The following EYA1 variants were observed in gnomAD, a reference collection of about 807,000 sequenced individuals.
EYA1 encodes EYA transcriptional coactivator and phosphatase 1.
A neutral mutation model predicts 82.0 loss-of-function variants in EYA1; 16 were observed. The observed-to-expected ratio is 0.20, with a 90% confidence interval of 0.13 to 0.30. The LOEUF (loss-of-function observed/expected upper bound fraction) is 0.30. EYA1 is among the 10% of genes least tolerant of loss of function. The pLI, the probability that EYA1 is intolerant of heterozygous loss-of-function variation, is 1.00. For synonymous variants in EYA1, 261 were observed against 264.4 expected (o/e 0.99, Z 0.12); for missense variants, 633 against 730.7 (o/e 0.87, Z 1.54).
At chr8:71,426,008 A>ATT (rs1419843435) in intron 2 of EYA1, among the ~76,000 whole-genome samples, 1 of 152,080 alleles carries the variant, frequency 6.6e-6, no homozygotes, top group African/African-American at 2.4e-5. Context: ...CCTTGTATTT[A>ATT]TTTTTTCTGG....
chr8:71,468,487 G>A (rs1808936130), intron 2 of EYA1, among the ~76,000 whole-genome samples: 1 of 152,070 alleles, frequency 6.6e-6, no homozygotes, highest in African/African-American at 2.4e-5. Context: ...CAGGTAACTG[G>A]TTAGAACTTG....
At chr8:71,279,309 G>A (rs1406420498) in intron 9 of EYA1, among the ~76,000 whole-genome samples, 2 of 152,194 alleles carry the variant, frequency 1.3e-5, no homozygotes, top group Non-Finnish European at 2.9e-5. Context: ...CGAAGTAGAT[G>A]TCAGACAACA....
At chr8:71,329,262 CCTT>C (rs576812472) in intron 4 of EYA1, among the ~76,000 whole-genome samples, 2 of 152,150 alleles carry the variant, frequency 1.3e-5, no homozygotes, top group Non-Finnish European at 2.9e-5. Flanking sequence ...TTAGCCCCTA[CCTT>C]CTTCTTTCTA....
intron 2 of EYA1, among the ~76,000 whole-genome samples, chr8:71,408,017 G>A (rs1050404106): frequency 1.5e-4 from 23 of 151,716 alleles, no homozygotes; most frequent in South Asian, 2.1e-4. Context: ...GACTAACAGC[G>A]GATCTCTCGG....
At chr8:71,300,239 A>G (rs925763007) in intron 7 of EYA1, among the ~76,000 whole-genome samples, 1 of 152,186 alleles carries the variant, frequency 6.6e-6, no homozygotes, top group African/African-American at 2.4e-5. Flanking sequence ...TTGACACAAC[A>G]AAGATGAAAG....
chr8:71,443,124 C>A (rs766518588), intron 2 of EYA1, among the ~76,000 whole-genome samples: 2 of 151,982 alleles, frequency 1.3e-5, no homozygotes, highest in African/African-American at 2.4e-5. Flanking sequence ...AACACAAGTT[C>A]GAGAAAATGG....
At chr8:71,445,286 T>C (rs1388303968) in intron 2 of EYA1, among the ~76,000 whole-genome samples, 3 of 152,160 alleles carry the variant, frequency 2.0e-5, no homozygotes, top group Non-Finnish European at 4.4e-5. Flanking sequence ...AGCAAAGAGA[T>C]TGGATTTTAT....
At chr8:71,214,493 GT>G (rs1808926434) in intron 16 of EYA1, among the ~76,000 whole-genome samples, 1 of 152,100 alleles carries the variant, frequency 6.6e-6, no homozygotes. Context: ...CTCTTCCTGG[GT>G]GGCAGTAAAT....
intron 2 of EYA1, among the ~76,000 whole-genome samples, chr8:71,530,207 G>C (rs1409867363): frequency 1.3e-5 from 2 of 152,124 alleles, no homozygotes; most frequent in African/African-American, 4.8e-5. Flanking sequence ...AGGGACAAAG[G>C]CCATGTGACA....
chr8:71,537,097 T>C (rs1325232909), intron 1 of EYA1, among the ~76,000 whole-genome samples: 1 of 152,248 alleles, frequency 6.6e-6, no homozygotes, highest in Non-Finnish European at 1.5e-5. Flanking sequence ...GAATTGTCAC[T>C]TGTTTGTTTT....
intron 2 of EYA1, among the ~76,000 whole-genome samples, chr8:71,450,504 G>A (rs1375567412): frequency 6.6e-6 from 1 of 152,146 alleles, no homozygotes; most frequent in African/African-American, 2.4e-5. Context: ...GGTTTGTGGT[G>A]CCCCAGAACC....
At chr8:71,344,367 A>G (rs1486188480) in intron 3 of EYA1, among the ~76,000 whole-genome samples, 1 of 152,216 alleles carries the variant, frequency 6.6e-6, no homozygotes, top group Non-Finnish European at 1.5e-5. Flanking sequence ...GTAGACTTTT[A>G]GAATGGAAGA....
intron 2 of EYA1, among the ~76,000 whole-genome samples, chr8:71,495,124 T>C (rs1451234023): frequency 6.6e-6 from 1 of 152,096 alleles, no homozygotes; most frequent in Non-Finnish European, 1.5e-5. Flanking sequence ...AGATGCAAAA[T>C]CTACATATTA....
Position 71,213,810 on chromosome 8 carries a change from C to G in EYA1, c.1597+1577G>C, listed in dbSNP as rs191475508. Among the ~76,000 whole-genome samples, 3 of 152,270 alleles carry G rather than the reference C, an allele frequency of 2.0e-5. No homozygotes were observed. In the East Asian group the frequency reaches 5.8e-4, roughly 29 times the overall value. On this transcript the variant is annotated intron_variant, in intron 16 of 17. Transcript: ENST00000340726. The stretch of plus-strand genomic sequence containing the variant: ...AGTTAATTGTGCCGCTATTGACGCA[C>G]GTGCCTAAAAGAAATCTTGTGTCGG...
At chr8:71,474,456 T>A (rs1172993530) in intron 2 of EYA1, among the ~76,000 whole-genome samples, 3 of 152,172 alleles carry the variant, frequency 2.0e-5, no homozygotes, top group African/African-American at 7.2e-5. Context: ...TACTCAGCCA[T>A]CCCACAACAG....
chr8:71,264,768 C>T (rs137963752), intron 11 of EYA1, among the ~76,000 whole-genome samples: 3 of 151,484 alleles, frequency 2.0e-5, no homozygotes, highest in African/African-American at 7.3e-5. Flanking sequence ...TTTTTTGTAG[C>T]GATGGACTCT....
intron 2 of EYA1, among the ~76,000 whole-genome samples, chr8:71,481,481 C>T (rs1051044559): frequency 1.6e-4 from 25 of 152,052 alleles, no homozygotes; most frequent in African/African-American, 4.8e-4. Context: ...TTTTTCAAGA[C>T]GAATCCACTT....
At chr8:71,452,693 C>T (rs1287411498) in intron 2 of EYA1, among the ~76,000 whole-genome samples, 3 of 152,182 alleles carry the variant, frequency 2.0e-5, no homozygotes, top group Non-Finnish European at 2.9e-5. Flanking sequence ...CTCCAATAGA[C>T]CTGCAGCTGA....
At chr8:71,454,775 T>C (rs1469220140) in intron 2 of EYA1, among the ~76,000 whole-genome samples, 5 of 152,198 alleles carry the variant, frequency 3.3e-5, no homozygotes, top group Non-Finnish European at 5.9e-5. Context: ...AAGCAGTGTG[T>C]AGAGGGAAAT....
Sources: allele counts gnomAD v4.1 joint callset (sites outside exome capture counted in the v4.1 genomes callset), GRCh38; gene constraint gnomAD v4.1.1; transcripts MANE v1.5; gene names NCBI Gene and HGNC (gene_info 2026-07-23, HGNC 2026-07-21).